The following RGS7 variants were observed in gnomAD, a reference collection of about 807,000 sequenced individuals.
RGS7 encodes the protein regulator of G protein signaling 7, also known as regulator of G-protein signaling 7.
RGS7 carries 27 observed loss-of-function variants against 81.1 expected under a neutral mutation model. The observed-to-expected ratio is 0.33, with a 90% CI of 0.25 to 0.46. The LOEUF (loss-of-function observed/expected upper bound fraction) is 0.46. RGS7 is among the 20% of genes least tolerant of loss of function. RGS7 has a pLI of 1.00. For missense variants in RGS7, 396 were observed against 607.4 expected (o/e 0.65, Z 3.66); for synonymous variants, 208 against 207.7 (o/e 1.00, Z -0.01).
intron 3 of RGS7, among the ~76,000 whole-genome samples, chr1:241,086,783 T>C (rs995822286): frequency 5.9e-5 from 9 of 152,170 alleles, no homozygotes; most frequent in Non-Finnish European, 1.3e-4. Context: ...CTCTGCACTT[T>C]CCAAACACCT....
intron 2 of RGS7, among the ~76,000 whole-genome samples, chr1:241,197,028 G>T (rs34827673): frequency 0.2 from 29,328 of 148,476 alleles, 3,587 homozygotes; most frequent in Admixed American, 0.29. Context: ...GGAATATGCT[G>T]GGTTAATTAG....
intron 5 of RGS7, among the ~76,000 whole-genome samples, chr1:240,933,853 A>G (rs1676129783): frequency 6.6e-6 from 1 of 152,100 alleles, no homozygotes; most frequent in Non-Finnish European, 1.5e-5. Flanking sequence ...TTAAAAAATC[A>G]CATGATTAAG....
At chr1:241,283,974 T>G (rs114311567) in intron 2 of RGS7, among the ~76,000 whole-genome samples, 1 of 152,224 alleles carries the variant, frequency 6.6e-6, no homozygotes, top group African/African-American at 2.4e-5. Flanking sequence ...GGTTCTTTTT[T>G]GTACCTTATA....
chr1:240,906,605 G>C (rs1670859266), intron 6 of RGS7, among the ~76,000 whole-genome samples: 2 of 152,180 alleles, frequency 1.3e-5, no homozygotes, highest in Non-Finnish European at 2.9e-5. Flanking sequence ...TATAGCACTG[G>C]ACCTGGACAA....
At chr1:241,006,923 CTTA>C (rs367933094) in intron 3 of RGS7, among the ~76,000 whole-genome samples, 2 of 151,804 alleles carry the variant, frequency 1.3e-5, no homozygotes, top group Non-Finnish European at 2.9e-5. Flanking sequence ...TCTTCTTCTT[CTTA>C]TTATTTTTGA....
At position 240,949,847 on chromosome 1, in the gene RGS7, C is replaced by CAAAAAAAAAAAAAAAA. The variant is rs57421740; in HGVS notation, c.227-13157_227-13142dup. Among the ~76,000 whole-genome samples, 2 of 91,954 alleles carry CAAAAAAAAAAAAAAAA rather than the reference C, an allele frequency of 2.2e-5. 1 individual carries two copies. 60.3% of individuals were successfully genotyped at this position (91,954 alleles called of 152,430 possible). On this transcript the variant is annotated intron_variant, in intron 4 of 18. Transcript: ENST00000440928. ...TGGGTGACAGAACAAGACTCTGACT[C>CAAAAAAAAAAAAAAAA]AAAAAAAAAAAAAAAAAAAAGCCAA...
At chr1:240,922,117 T>A (rs1673656309) in intron 6 of RGS7, among the ~76,000 whole-genome samples, 2 of 152,020 alleles carry the variant, frequency 1.3e-5, no homozygotes, top group South Asian at 2.1e-4. Context: ...GGTAATCGAA[T>A]GGAGAGAAGA....
At chr1:240,785,908 G>A (rs1393466917) in intron 18 of RGS7, among the ~76,000 whole-genome samples, 1 of 152,192 alleles carries the variant, frequency 6.6e-6, no homozygotes, top group Non-Finnish European at 1.5e-5. Flanking sequence ...GAATGTTAAA[G>A]ATAAGCTCGA....
intron 2 of RGS7, among the ~76,000 whole-genome samples, chr1:241,261,578 G>A (rs535243773): frequency 2.7e-5 from 4 of 147,618 alleles, no homozygotes; most frequent in African/African-American, 7.5e-5. Flanking sequence ...GCAGTGAGCC[G>A]AGATCGTGCC....
chr1:241,186,457 G>A (rs1384409944), intron 2 of RGS7: 1 of 941,458 alleles, frequency 1.1e-6, no homozygotes, highest in Non-Finnish European at 1.3e-6. Context: ...ATTTTTACCT[G>A]ATTGCTATGG....
chr1:240,912,809 A>G (rs1388869574), intron 6 of RGS7, among the ~76,000 whole-genome samples: 1 of 152,178 alleles, frequency 6.6e-6, no homozygotes, highest in African/African-American at 2.4e-5. Context: ...CCTGTATACT[A>G]CATGAGTAAT....
intron 2 of RGS7, among the ~76,000 whole-genome samples, chr1:241,146,795 A>C (rs2068342742): frequency 6.6e-6 from 1 of 152,166 alleles, no homozygotes; most frequent in Non-Finnish European, 1.5e-5. Flanking sequence ...GGAGGCTGGG[A>C]AGTCCAAGAT....
chr1:241,114,713 A>C (rs2065776107), intron 2 of RGS7, among the ~76,000 whole-genome samples: 1 of 152,196 alleles, frequency 6.6e-6, no homozygotes, highest in Admixed American at 6.5e-5. Flanking sequence ...AGTAATTCAA[A>C]ATCTAAACTG....
chr1:240,939,578 G>T (rs889670430), intron 4 of RGS7, among the ~76,000 whole-genome samples: 7 of 152,144 alleles, frequency 4.6e-5, no homozygotes, highest in Admixed American at 2.0e-4. Context: ...GACGAGTGAA[G>T]AATATGCCAT....
At chr1:241,281,387 A>G (rs1293458179) in intron 2 of RGS7, among the ~76,000 whole-genome samples, 1 of 152,214 alleles carries the variant, frequency 6.6e-6, no homozygotes, top group African/African-American at 2.4e-5. Context: ...CTTTGTCCCC[A>G]CACAGCCAGT....
intron 10 of RGS7, 139 bp from the exon 11 acceptor site, chr1:240,816,554 G>T (rs752618410): frequency 1.0e-4 from 66 of 632,870 alleles, no homozygotes; most frequent in Non-Finnish European, 1.6e-4. Flanking sequence ...AATTCAAAAG[G>T]CACTGCTAAG....
At chr1:241,100,936 T>C (rs1220075614) in intron 2 of RGS7, among the ~76,000 whole-genome samples, 2 of 152,314 alleles carry the variant, frequency 1.3e-5, no homozygotes, top group South Asian at 2.1e-4. Flanking sequence ...AGCTGACTTA[T>C]CAGACAGAAG....
chr1:240,920,432 T>C (rs1215284774), intron 6 of RGS7: 1 of 1,254,944 alleles, frequency 8.0e-7, no homozygotes. Flanking sequence ...GAAGCTACAA[T>C]GATTTTGGCA....
intron 2 of RGS7, among the ~76,000 whole-genome samples, chr1:241,346,258 T>C (rs1408485855): frequency 6.6e-6 from 1 of 151,508 alleles, no homozygotes; most frequent in Admixed American, 6.6e-5. Context: ...TTTCATGGTA[T>C]TAATCATCCT....
Sources: gnomAD v4.1 joint callset for allele counts (sites outside exome capture counted in the v4.1 genomes callset) on GRCh38, gnomAD v4.1.1 for gene constraint, MANE v1.5 for transcripts, NCBI Gene and HGNC (gene_info 2026-07-23, HGNC 2026-07-21) for gene names.